The following KATNIP variants were observed in gnomAD, a reference collection of about 807,000 sequenced individuals.
The protein encoded by KATNIP is katanin interacting protein.
A neutral mutation model predicts 174.0 loss-of-function variants in KATNIP; 126 were observed. That is an observed-to-expected ratio of 0.72 (90% CI 0.63 to 0.84). KATNIP has a LOEUF of 0.84. Ranked by LOEUF, KATNIP falls within the 40% of genes least tolerant of loss-of-function variation. The pLI is 0.00. For synonymous variants in KATNIP, 810 were observed against 835.7 expected (o/e 0.97, Z 0.53); for missense variants, 1,958 against 2,109.7 (o/e 0.93, Z 1.41).
intron 3 of KATNIP, among the ~76,000 whole-genome samples, chr16:27,624,371 T>G (rs1264993703): frequency 6.6e-6 from 1 of 152,110 alleles, no homozygotes; most frequent in Non-Finnish European, 1.5e-5. Context: ...CTTCACTTCC[T>G]CATCTGTGCA....
At chr16:27,738,846 C>T (rs2080997120) in intron 14 of KATNIP, among the ~76,000 whole-genome samples, 1 of 152,148 alleles carries the variant, frequency 6.6e-6, no homozygotes, top group Non-Finnish European at 1.5e-5. Context: ...CTCAGGTGCT[C>T]GTGGGGTGCT....
At chr16:27,675,164 C>T (rs887460257) in intron 6 of KATNIP, among the ~76,000 whole-genome samples, 2 of 152,152 alleles carry the variant, frequency 1.3e-5, no homozygotes, top group South Asian at 2.1e-4. Context: ...CACAGTTCCA[C>T]GTAGTTGGGG....
intron 1 of KATNIP, among the ~76,000 whole-genome samples, chr16:27,553,213 C>T (rs933858013): frequency 3.9e-5 from 6 of 152,146 alleles, no homozygotes; most frequent in African/African-American, 1.2e-4. Flanking sequence ...TGCCATTATA[C>T]GGTATTTAAA....
intron 19 of KATNIP, among the ~76,000 whole-genome samples, chr16:27,762,933 C>T (rs1223970063): frequency 6.6e-6 from 1 of 152,184 alleles, no homozygotes; most frequent in Non-Finnish European, 1.5e-5. Flanking sequence ...AAATCCCAGG[C>T]CTGATAGCAT....
chr16:27,701,581 A>G lies in KATNIP; in HGVS notation c.1180-8A>G. On this transcript the variant is annotated splice_region_variant and splice_polypyrimidine_tract_variant and intron_variant, in intron 10 of 27. Coordinates refer to ENST00000261588, the MANE Select transcript of KATNIP (RefSeq NM_015202.5). ...AGACATCTGTTTAATAAGCCTTTCC[A>G]TCCTCAGCTGCTTCCCATCACCACG... is the stretch of plus-strand genomic sequence containing the variant. The G allele has an allele frequency of 6.4e-7, 1 of 1,574,690 alleles. No individual in the cohort carries two copies. The highest frequency in any genetic ancestry group is 8.6e-7 in the Non-Finnish European group (1 of 1,159,134).
At chr16:27,760,650 T>C (rs2144015194) in intron 18 of KATNIP, among the ~76,000 whole-genome samples, 1 of 152,374 alleles carries the variant, frequency 6.6e-6, no homozygotes, top group East Asian at 1.9e-4. Context: ...TCATTCCATC[T>C]GTACTGAGCT....
intron 11 of KATNIP, 39 bp downstream of exon 11, chr16:27,701,734 C>A: frequency 7.2e-7 from 1 of 1,380,404 alleles, no homozygotes; most frequent in Non-Finnish European, 1.0e-6. Flanking sequence ...AACCCCTTAG[C>A]AGTGCAGCCA....
chr16:27,774,582 C>T (rs944515062), intron 23 of KATNIP, among the ~76,000 whole-genome samples: 3 of 152,246 alleles, frequency 2.0e-5, no homozygotes, highest in African/African-American at 4.8e-5. Flanking sequence ...ATCCAGCCAC[C>T]GCCCCATTCC....
intron 2 of KATNIP, among the ~76,000 whole-genome samples, chr16:27,584,444 G>T (rs941870080): frequency 6.6e-6 from 1 of 152,134 alleles, no homozygotes; most frequent in Non-Finnish European, 1.5e-5. Context: ...AACAGCAGCT[G>T]TCCCCTTCAT....
chr16:27,756,825 C>T (rs140013230), intron 18 of KATNIP, among the ~76,000 whole-genome samples: 2 of 152,196 alleles, frequency 1.3e-5, no homozygotes, highest in Non-Finnish European at 1.5e-5. Flanking sequence ...CGTTCAGTTA[C>T]GAAAATGATG....
At chr16:27,658,128 T>TA (rs1424510229) in intron 6 of KATNIP, among the ~76,000 whole-genome samples, 1 of 152,208 alleles carries the variant, frequency 6.6e-6, no homozygotes, top group African/African-American at 2.4e-5. Context: ...ACCCAGGTCT[T>TA]ACCACTCAGA....
intron 2 of KATNIP, among the ~76,000 whole-genome samples, chr16:27,596,008 C>T (rs188137944): frequency 1.3e-5 from 2 of 152,106 alleles, no homozygotes; most frequent in African/African-American, 2.4e-5. Context: ...AAGGCCAGGT[C>T]GTGTAGGGCT....
chr16:27,776,736 A>G lies in KATNIP; in HGVS notation c.4450-192A>G. 1 of 563,334 alleles carries G rather than the reference A, an allele frequency of 1.8e-6. No individual in the cohort carries two copies. Among genetic ancestry groups the G allele is most frequent in the Admixed American group, 3.1e-5 (1 of 32,244 alleles). 34.9% of individuals were successfully genotyped at this position (563,334 alleles called of 1,614,324 possible). The stretch of plus-strand genomic sequence containing the variant: ...AAGCCAGCTCAGCGGTTTGTTGCAA[A>G]TGCAGCCACACGTGACCTGACTCAA... On this transcript the variant is annotated intron_variant, in intron 24 of 27. Coordinates refer to ENST00000261588, the MANE Select transcript of KATNIP (RefSeq NM_015202.5). This position sits in a 1 kb window ranked among gnomAD's most constrained non-coding sequence, Gnocchi z 4.7.
At chr16:27,755,384 C>A (rs1302871516) in intron 18 of KATNIP, 7 of 152,200 alleles carry the variant, frequency 4.6e-5, no homozygotes, top group African/African-American at 1.4e-4. Flanking sequence ...TAGACACAGA[C>A]CCTGAGATGG....
At chr16:27,687,379 T>C (rs140794983) in intron 8 of KATNIP, 1 of 152,356 alleles carries the variant, frequency 6.6e-6, no homozygotes, top group East Asian at 1.9e-4. Context: ...GAGGTTGGTC[T>C]GAATTAGATA....
chr16:27,744,124 G>A (rs905384838), intron 15 of KATNIP, among the ~76,000 whole-genome samples: 2 of 152,168 alleles, frequency 1.3e-5, no homozygotes, highest in African/African-American at 2.4e-5. Flanking sequence ...GCCAAATACC[G>A]TAGCCATGCC....
intron 2 of KATNIP, among the ~76,000 whole-genome samples, chr16:27,615,498 A>G (rs992866024): frequency 2.0e-5 from 3 of 151,858 alleles, no homozygotes; most frequent in African/African-American, 7.3e-5. Flanking sequence ...GGGACTACAG[A>G]CGTGTACCAC....
intron 13 of KATNIP, among the ~76,000 whole-genome samples, chr16:27,717,078 G>T (rs1298497603): frequency 6.6e-6 from 1 of 152,004 alleles, no homozygotes; most frequent in Non-Finnish European, 1.5e-5. Flanking sequence ...TCCTGACCTC[G>T]TGATCCGCCC....
intron 17 of KATNIP, 138 bp from the exon 18 acceptor site, chr16:27,754,035 G>A (rs1478983879): frequency 1.4e-6 from 1 of 729,248 alleles, no homozygotes; most frequent in Non-Finnish European, 2.4e-6. Flanking sequence ...CACAAAGGCA[G>A]AAAAATCCAG....
Sources: gnomAD v4.1 joint callset for allele counts (sites outside exome capture counted in the v4.1 genomes callset) on GRCh38, gnomAD v4.1.1 for gene constraint, Gnocchi (gnomAD v3.1) non-coding constraint, MANE v1.5 for transcripts, NCBI Gene and HGNC (gene_info 2026-07-23, HGNC 2026-07-21) for gene names.